The following RUNX1 variants were observed in gnomAD, a reference collection of about 807,000 sequenced individuals.
RUNX1 encodes the protein RUNX family transcription factor 1, also known as runt-related transcription factor 1.
RUNX1 carries 19 observed loss-of-function variants against 42.8 expected under a neutral mutation model. The observed-to-expected ratio is 0.44, with a 90% CI of 0.31 to 0.65. The LOEUF (loss-of-function observed/expected upper bound fraction) is 0.65. Among genes scored for constraint, RUNX1 ranks in the 30% least tolerant of loss-of-function variants. The pLI is 0.07. For missense variants in RUNX1, 528 were observed against 672.0 expected, an observed-to-expected ratio of 0.79 and a Z score of 2.37; for synonymous variants, 271 against 289.4, an observed-to-expected ratio of 0.94 and a Z score of 0.64.
chr21:34,792,516 G>C lies in RUNX1; in HGVS notation c.1062C>G (p.Thr354=), dbSNP rs748629722. ...CCGAGGTGACCGGCGTCGGGGAGTAGGTGAAGGCGCCTGGATAGTGCATGC... is the reference window on the plus strand; with the variant it reads ...CCGAGGTGACCGGCGTCGGGGAGTACGTGAAGGCGCCTGGATAGTGCATGC... The part of the protein sequence containing the change: ...DPRMHYPGAF[T]YSPTPVTSGI... The change falls in exon 9 of 9, where the codon ACC becomes ACG. Residue 354 remains threonine, a synonymous_variant. Coordinates refer to ENST00000675419, the MANE Select transcript of RUNX1 (RefSeq NM_001754.5). This position sits in a 1 kb window ranked among gnomAD's most constrained non-coding sequence, Gnocchi z 6.9. 4.4e-5 allele frequency: 70 copies of C among 1,603,948 alleles called. No individual in the cohort carries two copies. Among genetic ancestry groups the C allele is most frequent in the Non-Finnish European group, 1.7e-6 (2 of 1,175,374 alleles).
chr21:35,040,770 CCAAAAAAAAAA>C (rs2059352389), intron 2 of RUNX1, among the ~76,000 whole-genome samples: 1 of 50,988 alleles, frequency 2.0e-5, no homozygotes, highest in Admixed American at 2.6e-4. Context: ...TAGACTCCAT[CCAAAAAAAAAA>C]AAAAAAAAAA....
intron 2 of RUNX1, among the ~76,000 whole-genome samples, chr21:34,953,780 T>TCCC (rs1229371628): frequency 6.6e-6 from 1 of 152,194 alleles, no homozygotes; most frequent in Non-Finnish European, 1.5e-5. Context: ...TGTGACTTGA[T>TCCC]CCAATGATCT....
At chr21:35,022,555 G>T (rs905020262) in intron 2 of RUNX1, among the ~76,000 whole-genome samples, 3 of 152,186 alleles carry the variant, frequency 2.0e-5, no homozygotes, top group African/African-American at 7.2e-5. Flanking sequence ...CCACCATTTA[G>T]AGATAAGAAA....
intron 2 of RUNX1, among the ~76,000 whole-genome samples, chr21:34,974,201 A>T (rs1170620922): frequency 1.3e-5 from 2 of 152,082 alleles, no homozygotes; most frequent in Admixed American, 1.3e-4. Flanking sequence ...TAATCATCAC[A>T]CGAGCAAGAC....
At chr21:34,813,376 C>G (rs776196342) in intron 7 of RUNX1, among the ~76,000 whole-genome samples, 2 of 152,146 alleles carry the variant, frequency 1.3e-5, no homozygotes, top group Non-Finnish European at 2.9e-5. Flanking sequence ...TCTAGAGGTG[C>G]TCTTCAGGAT....
intron 2 of RUNX1, among the ~76,000 whole-genome samples, chr21:34,929,035 C>T (rs1330447369): frequency 6.6e-6 from 1 of 151,944 alleles, no homozygotes; most frequent in Non-Finnish European, 1.5e-5. Context: ...ATTCTCGAAC[C>T]TGTAGAAAGC....
intron 8 of RUNX1, among the ~76,000 whole-genome samples, chr21:34,797,335 T>C (rs2056543949): frequency 6.6e-6 from 1 of 152,242 alleles, no homozygotes; most frequent in Non-Finnish European, 1.5e-5. Flanking sequence ...TTCACAAATG[T>C]AACTGTGATA....
At chr21:35,046,809 C>G (rs1038856311) in intron 2 of RUNX1, among the ~76,000 whole-genome samples, 2 of 151,968 alleles carry the variant, frequency 1.3e-5, no homozygotes, top group African/African-American at 4.8e-5. Flanking sequence ...TCTAAAGAAC[C>G]CTGAGTTCCT....
At chr21:34,876,545 C>G (rs2057816951) in intron 5 of RUNX1, among the ~76,000 whole-genome samples, 1 of 152,158 alleles carries the variant, frequency 6.6e-6, no homozygotes, top group East Asian at 1.9e-4. Flanking sequence ...ATACGTAATT[C>G]TGTGTGTAAG....
At chr21:34,941,460 T>C (rs919192718) in intron 2 of RUNX1, among the ~76,000 whole-genome samples, 2 of 152,232 alleles carry the variant, frequency 1.3e-5, no homozygotes, top group African/African-American at 4.8e-5. Context: ...GCAGGGCATC[T>C]AACTTCACTA....
At chr21:34,996,742 A>C (rs1046710677) in intron 2 of RUNX1, among the ~76,000 whole-genome samples, 2 of 152,134 alleles carry the variant, frequency 1.3e-5, no homozygotes, top group Non-Finnish European at 2.9e-5. Context: ...CATTAAAGAA[A>C]GTGTTGCCGT....
Position 34,792,285 on chromosome 21 carries a change from G to A in RUNX1, c.1293C>T (p.Pro431=), listed in dbSNP as rs770596574. The A allele has an allele frequency of 1.3e-6, 2 of 1,543,426 alleles. No homozygotes were observed. Among genetic ancestry groups the A allele is most frequent in the African/African-American group, 1.4e-5 (1 of 73,190 alleles). The change falls in exon 9 of 9, where the codon CCC becomes CCT. Residue 431 remains proline, a synonymous_variant. Transcript: ENST00000675419. The surrounding 1 kb of genome is among the most constrained non-coding windows in gnomAD (Gnocchi z 6.9). ...GERSPPRILP[P]CTNASTGSAL... Reference sequence around the variant, plus strand: ...CGGAGCCGGTGGAGGCGTTGGTGCAGGGCGGCAGGATGCGCGGCGGCGAGC... The same window carrying A: ...CGGAGCCGGTGGAGGCGTTGGTGCAAGGCGGCAGGATGCGCGGCGGCGAGC...
chr21:34,811,660 G>A (rs1308678923), intron 7 of RUNX1, among the ~76,000 whole-genome samples: 1 of 152,178 alleles, frequency 6.6e-6, no homozygotes, highest in Non-Finnish European at 1.5e-5. Context: ...CACCCCAGTT[G>A]TTTTTATTCC....
intron 2 of RUNX1, among the ~76,000 whole-genome samples, chr21:34,941,079 T>C (rs2058523234): frequency 1.3e-5 from 2 of 152,192 alleles, no homozygotes; most frequent in South Asian, 4.1e-4. Flanking sequence ...CGGACAGAAT[T>C]ACTCTGTCCC....
chr21:34,938,442 G>T (rs536962845), intron 2 of RUNX1, among the ~76,000 whole-genome samples: 7 of 152,060 alleles, frequency 4.6e-5, no homozygotes, highest in Non-Finnish European at 1.0e-4. Flanking sequence ...CTTGCTCAGG[G>T]TCTAATGCAG....
intron 3 of RUNX1, among the ~76,000 whole-genome samples, chr21:34,890,322 G>C (rs1232131807): frequency 2.0e-5 from 3 of 152,116 alleles, no homozygotes; most frequent in Non-Finnish European, 4.4e-5. Flanking sequence ...CGCCCGGGAA[G>C]AACTAGCGTT....
intron 2 of RUNX1, among the ~76,000 whole-genome samples, chr21:34,908,429 G>A (rs1015899717): frequency 6.6e-6 from 1 of 152,076 alleles, no homozygotes; most frequent in African/African-American, 2.4e-5. Context: ...TGTCCTCGGG[G>A]AAAAAAAGTA....
At chr21:34,803,316 G>C (rs2056633498) in intron 7 of RUNX1, among the ~76,000 whole-genome samples, 1 of 152,112 alleles carries the variant, frequency 6.6e-6, no homozygotes, top group Non-Finnish European at 1.5e-5. Flanking sequence ...GGGAGGCCGA[G>C]GCGGGTGGAT....
At chr21:34,958,750 C>T (rs1205346688) in intron 2 of RUNX1, among the ~76,000 whole-genome samples, 1 of 151,538 alleles carries the variant, frequency 6.6e-6, no homozygotes, top group Non-Finnish European at 1.5e-5. Context: ...CACATGCACA[C>T]GTATGTTTAT....
Sources: allele counts gnomAD v4.1 joint callset (sites outside exome capture counted in the v4.1 genomes callset), GRCh38; gene constraint gnomAD v4.1.1; non-coding constraint Gnocchi (gnomAD v3.1); transcripts MANE v1.5; gene names NCBI Gene and HGNC (gene_info 2026-07-23, HGNC 2026-07-21).